The following RFWD3 variants were observed in gnomAD, a reference collection of about 807,000 sequenced individuals.
RFWD3 encodes the protein ring finger and WD repeat domain 3.
RFWD3 carries 65 observed loss-of-function variants against 87.7 expected under a neutral mutation model. The observed-to-expected ratio is 0.74, with a 90% confidence interval of 0.61 to 0.91. RFWD3 has a LOEUF of 0.91. Ranked by LOEUF, RFWD3 falls within the 40% of genes least tolerant of loss-of-function variation. The pLI is 0.00. For missense variants in RFWD3, 1,078 were observed against 938.5 expected, an observed-to-expected ratio of 1.15 and a Z score of -1.94; for synonymous variants, 433 against 352.8, an observed-to-expected ratio of 1.23 and a Z score of -2.55.
At chr16:74,640,519 G>C (rs1472721306) in intron 6 of RFWD3, among the ~76,000 whole-genome samples, 1 of 152,126 alleles carries the variant, frequency 6.6e-6, no homozygotes, top group African/African-American at 2.4e-5. Flanking sequence ...TTATAAGTCA[G>C]GTGTGGTGGC....
intron 6 of RFWD3, among the ~76,000 whole-genome samples, chr16:74,638,723 A>T (rs927483014): frequency 1.8e-4 from 27 of 152,232 alleles, no homozygotes; most frequent in African/African-American, 6.3e-4. Context: ...TCATCAGATA[A>T]CTGATTAGTA....
intron 6 of RFWD3, among the ~76,000 whole-genome samples, chr16:74,643,365 C>T (rs919772140): frequency 2.0e-5 from 3 of 152,166 alleles, no homozygotes; most frequent in African/African-American, 7.2e-5. Context: ...ACATTGTATT[C>T]TGTTCATGCA....
chr16:74,651,207 G>T (rs1289416611), intron 3 of RFWD3, among the ~76,000 whole-genome samples: 1 of 152,188 alleles, frequency 6.6e-6, no homozygotes, highest in African/African-American at 2.4e-5. Flanking sequence ...ATCTACTTTA[G>T]GGGTCTCTGC....
Position 74,661,347 on chromosome 16 carries a change from G to A in RFWD3, c.103C>T (p.Leu35Phe), listed in dbSNP as rs770661821. Residue 35 changes from leucine to phenylalanine, a missense_variant, in exon 2 of 13, where the codon CTC (leucine) becomes TTC (phenylalanine). Physicochemically the swap from Leu to Phe is conservative, Grantham distance 22 (BLOSUM62 0). Transcript: ENST00000361070. ...ACATCAGCAGGAACAGGCTGGAGGA[G>A]GGCTGGTCCCCCTTGGCTGCTGGCC... ...GMASSQGGPALLQPVPADVVS... is the reference protein window; with the variant it reads ...GMASSQGGPAFLQPVPADVVS... The A allele has an allele frequency of 1.9e-6, 3 of 1,614,086 alleles. No homozygotes were observed. The highest frequency in any genetic ancestry group is 3.3e-5 in the Admixed American group (2 of 60,012).
chr16:74,657,262 G>A (rs1012402829), intron 2 of RFWD3, among the ~76,000 whole-genome samples: 2 of 152,160 alleles, frequency 1.3e-5, no homozygotes, highest in Non-Finnish European at 2.9e-5. Context: ...GCTGGAGAAG[G>A]TGACAAGAAT....
At chr16:74,640,365 C>T (rs866381540) in intron 6 of RFWD3, among the ~76,000 whole-genome samples, 23 of 151,908 alleles carry the variant, frequency 1.5e-4, no homozygotes, top group Admixed American at 6.6e-4. Flanking sequence ...AGGCTGGTCT[C>T]GAACTTCCGA....
rs146514050 is a variant in RFWD3, at chr16:74,657,636, C to T, written c.518+3296G>A. Reference sequence around the variant, plus strand: ...GATTATGGGCACCCGCCACCACACCCGACTAATTTTTGTATTTTTAGTAGA... The same window carrying T: ...GATTATGGGCACCCGCCACCACACCTGACTAATTTTTGTATTTTTAGTAGA... On this transcript the variant is annotated intron_variant, in intron 2 of 12. Transcript: ENST00000361070. Among the ~76,000 whole-genome samples the T allele has an allele frequency of 1.5e-3, 235 of 152,106 alleles. 1 individual carries two copies. Among genetic ancestry groups the T allele is most frequent in the South Asian group, 0.015 (70 of 4,804 alleles).
chr16:74,659,051 T>C (rs1457230350), intron 2 of RFWD3, among the ~76,000 whole-genome samples: 1 of 152,200 alleles, frequency 6.6e-6, no homozygotes, highest in Non-Finnish European at 1.5e-5. Context: ...TGAGCCACTA[T>C]GCCCAGCCAC....
chr16:74,633,181 G>A (rs1959155323), intron 8 of RFWD3, among the ~76,000 whole-genome samples: 1 of 151,596 alleles, frequency 6.6e-6, no homozygotes, highest in Non-Finnish European at 1.5e-5. Context: ...GGAGGCTGAG[G>A]CAGGAGAATC....
intron 4 of RFWD3, among the ~76,000 whole-genome samples, chr16:74,646,922 CAA>C (rs1960193050): frequency 6.6e-6 from 1 of 151,294 alleles, no homozygotes; most frequent in Non-Finnish European, 1.5e-5. Context: ...ACAACAACAA[CAA>C]CAACAACAAC....
At chr16:74,631,270 G>A (rs1476521562) in intron 9 of RFWD3, among the ~76,000 whole-genome samples, 1 of 152,132 alleles carries the variant, frequency 6.6e-6, no homozygotes, top group Non-Finnish European at 1.5e-5. Flanking sequence ...GATCACTTGA[G>A]GTCAGGAGTT....
Position 74,644,557 on chromosome 16 carries a change from A to G in RFWD3, c.971T>C (p.Val324Ala). 1 of 1,614,158 alleles carries G rather than the reference A, an allele frequency of 6.2e-7. No homozygotes were observed. The highest frequency in any genetic ancestry group is 8.5e-7 in the Non-Finnish European group (1 of 1,180,026). ...RCISTWLKGQVRKCPQCNKKA... is the reference protein window; with the variant it reads ...RCISTWLKGQARKCPQCNKKA... ...GGTCCTTACCTGGGGACATTTTCGT[A>G]CTTGTCCTTTAAGCCACGTGGAAAT... The change falls in exon 5 of 13, where the codon GTA becomes GCA. Residue 324 changes from valine to alanine, a missense_variant. By Grantham distance (64) the Val-to-Ala change is moderately conservative. Coordinates refer to ENST00000361070, the MANE Select transcript of RFWD3 (RefSeq NM_018124.4).
At chr16:74,634,499 C>T (rs1010078520) in intron 8 of RFWD3, among the ~76,000 whole-genome samples, 6 of 152,130 alleles carry the variant, frequency 3.9e-5, no homozygotes, top group African/African-American at 7.2e-5. Flanking sequence ...ATCCTCCCAA[C>T]TCAGCCTCCC....
rs1463887715 is a variant in RFWD3, at chr16:74,621,573, T to TA, written c.*2354dup. The TA allele has an allele frequency of 1.3e-5, 2 of 152,024 alleles. No homozygotes were observed. The highest frequency in any genetic ancestry group is 1.9e-4 in the East Asian group (1 of 5,190). 9.4% of individuals were successfully genotyped at this position (152,024 alleles called of 1,614,324 possible). The stretch of plus-strand genomic sequence containing the variant: ...AAATCCTCAAGTGGGGAAAAAAACT[T>TA]AGAGGTAGTGACAAAGGAATATGGT... On this transcript the variant is annotated 3_prime_UTR_variant, in exon 13 of 13. Coordinates refer to ENST00000361070, the MANE Select transcript of RFWD3 (RefSeq NM_018124.4).
chr16:74,662,372 A>C (rs1014091390), intron 1 of RFWD3, among the ~76,000 whole-genome samples: 3 of 152,180 alleles, frequency 2.0e-5, no homozygotes, highest in Admixed American at 1.3e-4. Context: ...GGGTTCAACT[A>C]ATAGTTATTA....
At chr16:74,656,289 G>T (rs1343722939) in intron 2 of RFWD3, among the ~76,000 whole-genome samples, 1 of 114,206 alleles carries the variant, frequency 8.8e-6, no homozygotes. Context: ...CTGGGCAACA[G>T]AGTGAGACCT....
rs532935692 is a variant in RFWD3 at position 74,665,026 on chromosome 16, A to G, written c.-3+1760T>C. ...AACGCTGTTTTTTATGTGTGCTGTGAGCGGTGCTTAAAATGTCAACCTCAG... is the reference window on the plus strand; with the variant it reads ...AACGCTGTTTTTTATGTGTGCTGTGGGCGGTGCTTAAAATGTCAACCTCAG... On this transcript the variant is annotated intron_variant, in intron 1 of 12. Coordinates refer to ENST00000361070, the MANE Select transcript of RFWD3 (RefSeq NM_018124.4). Among the ~76,000 whole-genome samples the G allele has an allele frequency of 1.5e-3, 226 of 152,298 alleles. 1 individual carries two copies. The highest frequency in any genetic ancestry group is 2.7e-3 in the Non-Finnish European group (187 of 68,018).
intron 1 of RFWD3, among the ~76,000 whole-genome samples, chr16:74,662,594 A>G (rs1201302528): frequency 2.0e-5 from 3 of 152,242 alleles, no homozygotes; most frequent in Non-Finnish European, 4.4e-5. Flanking sequence ...GGGCTGAGGC[A>G]TGAAGGATTA....
At chr16:74,624,985 C>T (rs1304316953) in intron 12 of RFWD3, among the ~76,000 whole-genome samples, 1 of 151,768 alleles carries the variant, frequency 6.6e-6, no homozygotes, top group African/African-American at 2.4e-5. Context: ...GATACTGTCA[C>T]TTAAAAACAA....
Sources: allele counts gnomAD v4.1 joint callset (sites outside exome capture counted in the v4.1 genomes callset), GRCh38; gene constraint gnomAD v4.1.1; transcripts MANE v1.5; gene names NCBI Gene and HGNC (gene_info 2026-07-23, HGNC 2026-07-21).